SLC36A1: variants seen among roughly 807,000 people sequenced by gnomAD.
The protein encoded by SLC36A1 is solute carrier family 36 member 1, also known as proton-coupled amino acid transporter 1.
SLC36A1 carries 30 observed loss-of-function variants against 47.5 expected under a neutral mutation model. The ratio of observed to expected loss-of-function variants is 0.63; its 90% CI spans 0.47 to 0.86. SLC36A1 has a LOEUF of 0.86. SLC36A1 is among the 40% of genes least tolerant of loss of function. The probability of loss-of-function intolerance (pLI) is 0.00; values close to 1 mark genes in which losing one functional copy is unlikely to be tolerated. For missense variants in SLC36A1, 517 were observed against 606.0 expected, an observed-to-expected ratio of 0.85 and a Z score of 1.54; for synonymous variants, 255 against 249.7, an observed-to-expected ratio of 1.02 and a Z score of -0.20.
intron 7 of SLC36A1, among the ~76,000 whole-genome samples, chr5:151,468,267 ATATATAT>A (rs1430155292): frequency 3.9e-5 from 2 of 50,776 alleles, no homozygotes; most frequent in African/African-American, 2.2e-4. Context: ...AAAAAAAAAA[ATATATAT>A]ATATATATAT....
rs747938024 is a variant in SLC36A1 at position 151,458,927 on chromosome 5, T to G, written c.135T>G (p.Asn45Lys). The G allele has an allele frequency of 1.9e-6, 3 of 1,610,374 alleles. No individual in the cohort carries two copies. The African/African-American group carries it at 4.0e-5, about 22-fold the overall frequency. The change falls in exon 2 of 11, where the codon AAT (asparagine) becomes AAG (lysine). Residue 45 changes from asparagine (N) to lysine (K), a missense_variant. Asn to Lys is a moderately conservative substitution (Grantham distance 94). Transcript: ENST00000243389. ...CCTACCAGCGCTTTGGTCAAAGCAA[T>G]AGCACAACGTGAGTAGCTGTTACCT... is the stretch of plus-strand genomic sequence containing the variant. ...PGSYQRFGQS[N>K]STTWFQTLIH...
At chr5:151,356,964 G>C in the SLC36A1 span, among the ~76,000 whole-genome samples, 1 of 152,116 alleles carries the variant, frequency 6.6e-6, no homozygotes, top group African/African-American at 2.4e-5. Context: ...ACACAAGCAG[G>C]GTGCTCCCAT....
chr5:151,347,223 C>T, the SLC36A1 span: 1 of 1,575,128 alleles, frequency 6.3e-7, no homozygotes, highest in Non-Finnish European at 8.7e-7. Context: ...TCAGACACAC[C>T]CACCTCAGGG....
At chr5:151,543,939 G>C in the SLC36A1 span, 2 of 1,614,172 alleles carry the variant, frequency 1.2e-6, no homozygotes, top group Non-Finnish European at 1.7e-6. Context: ...TAAGAACCAG[G>C]TGTCCACAGG....
chr5:151,515,962 T>C, the SLC36A1 span, among the ~76,000 whole-genome samples: 2 of 152,196 alleles, frequency 1.3e-5, no homozygotes, highest in Non-Finnish European at 2.9e-5. Flanking sequence ...ATATGCCCCA[T>C]CCCATTACGT....
chr5:151,354,419 C>T, the SLC36A1 span, among the ~76,000 whole-genome samples: 11,107 of 152,208 alleles, frequency 0.073, 961 homozygotes, highest in African/African-American at 0.21. Flanking sequence ...TTTATCAGAT[C>T]AGTGCAGAAC....
chr5:151,457,753 GAA>G (rs1754780189), intron 1 of SLC36A1, among the ~76,000 whole-genome samples: 1 of 152,152 alleles, frequency 6.6e-6, no homozygotes, highest in Non-Finnish European at 1.5e-5. Context: ...ACAGCAGAGA[GAA>G]AGAGAACGGC....
At chr5:151,544,069 T>C in the SLC36A1 span, 1 of 1,614,096 alleles carries the variant, frequency 6.2e-7, no homozygotes, top group African/African-American at 1.3e-5. Context: ...ATCTCCTTTA[T>C]CCATGGCCCT....
At chr5:151,408,178 GT>G in the SLC36A1 span, among the ~76,000 whole-genome samples, 2 of 151,666 alleles carry the variant, frequency 1.3e-5, no homozygotes, top group African/African-American at 4.8e-5. Context: ...TGTTTTTTTT[GT>G]TTTTGTTTGC....
the SLC36A1 span, chr5:151,512,033 T>A: frequency 1.1e-5 from 8 of 754,398 alleles, no homozygotes; most frequent in South Asian, 1.5e-4. The surrounding 1 kb of genome is among the most constrained non-coding windows in gnomAD (Gnocchi z 4.1). Context: ...TCCAACCTGT[T>A]ACTCACAAGT....
chr5:151,385,280 G>T, the SLC36A1 span, among the ~76,000 whole-genome samples: 1 of 152,304 alleles, frequency 6.6e-6, no homozygotes, highest in South Asian at 2.1e-4. Flanking sequence ...CTGGAGATGG[G>T]TAACTTTAGA....
the SLC36A1 span, chr5:151,525,954 G>A: frequency 6.2e-7 from 1 of 1,614,078 alleles, no homozygotes; most frequent in South Asian, 1.1e-5. Context: ...TGCTGCCAAT[G>A]GGGGAGTTCT....
At chr5:151,503,345 C>T in the SLC36A1 span, among the ~76,000 whole-genome samples, 1 of 148,088 alleles carries the variant, frequency 6.8e-6, no homozygotes, top group Non-Finnish European at 1.5e-5. Context: ...GCTGTACCTT[C>T]CATTCAGTGT....
the SLC36A1 span, among the ~76,000 whole-genome samples, chr5:151,368,377 T>C: frequency 6.6e-6 from 1 of 152,260 alleles, no homozygotes; most frequent in Admixed American, 6.5e-5. Flanking sequence ...GAATTGCAAT[T>C]CCTAAGACCC....
At chr5:151,437,241 G>C (rs997932429) in intron 1 of SLC36A1, 8 of 152,156 alleles carry the variant, frequency 5.3e-5, no homozygotes, top group African/African-American at 1.7e-4. Flanking sequence ...AGGTAGAAAG[G>C]GGCTACAGCT....
intron 1 of SLC36A1, among the ~76,000 whole-genome samples, chr5:151,437,661 G>C (rs1365128192): frequency 6.6e-6 from 1 of 151,908 alleles, no homozygotes; most frequent in African/African-American, 2.4e-5. Flanking sequence ...TACTGTTTTA[G>C]TTCTTTATTG....
At chr5:151,431,588 G>A in the SLC36A1 span, among the ~76,000 whole-genome samples, 7 of 152,150 alleles carry the variant, frequency 4.6e-5, no homozygotes, top group Non-Finnish European at 1.0e-4. Flanking sequence ...TTGAATCATG[G>A]GGGTGGGTCT....
At chr5:151,534,547 C>T in the SLC36A1 span, 1 of 1,614,098 alleles carries the variant, frequency 6.2e-7, no homozygotes, top group East Asian at 2.2e-5. Context: ...GTGATGTCTG[C>T]CTGGCACGAT....
At chr5:151,399,079 TATA>T in the SLC36A1 span, among the ~76,000 whole-genome samples, 404 of 86,350 alleles carry the variant, frequency 4.7e-3, 2 homozygotes, top group South Asian at 0.028. Flanking sequence ...TATATATATA[TATA>T]TATTTTTTTT....
Sources: allele counts gnomAD v4.1 joint callset (sites outside exome capture counted in the v4.1 genomes callset), GRCh38; gene constraint gnomAD v4.1.1; non-coding constraint Gnocchi (gnomAD v3.1); transcripts MANE v1.5; gene names NCBI Gene and HGNC (gene_info 2026-07-23, HGNC 2026-07-21).